Variants in RBFOX1 observed in about 807,000 individuals in gnomAD.
The protein encoded by RBFOX1 is RNA binding fox-1 homolog 1, also known as RNA binding protein fox-1 homolog 1.
In RBFOX1, 8 loss-of-function variants were observed where a neutral mutation model predicts 57.7. The observed-to-expected ratio is 0.14, with a 90% CI of 0.08 to 0.25. The LOEUF (loss-of-function observed/expected upper bound fraction) is 0.25. Among genes scored for constraint, RBFOX1 ranks in the 10% least tolerant of loss-of-function variants. RBFOX1 has a pLI of 1.00. For missense variants in RBFOX1, 611 were observed against 548.5 expected (o/e 1.11, Z -1.14); for synonymous variants, 326 against 222.4 (o/e 1.47, Z -4.15).
intron 3 of RBFOX1, among the ~76,000 whole-genome samples, chr16:6,743,813 A>G (rs2072904911): frequency 6.8e-6 from 1 of 146,326 alleles, no homozygotes; most frequent in Admixed American, 6.7e-5. Flanking sequence ...ATTTTTTCTC[A>G]TGTGTTTTGA....
At chr16:6,122,772 G>A (rs4786084) in intron 1 of RBFOX1, among the ~76,000 whole-genome samples, 102,291 of 151,570 alleles carry the variant, frequency 0.67, 35,912 homozygotes, top group African/African-American at 0.88. Flanking sequence ...GCTGGGTTGC[G>A]GAATATGATC....
rs1555480496 is a variant in RBFOX1, at chr16:6,450,777, A to ATACATATATATATATACATGTG, written c.-64+133722_-64+133723insCATATATATATATACATGTGTA. ...TACATATATATATGTGTATATATATATATATATATATACATATATATATGT... is the reference window on the plus strand; with the variant it reads ...TACATATATATATGTGTATATATATATACATATATATATATACATGTGTATATATATATACATATATATATGT... On this transcript the variant is annotated intron_variant, in intron 2 of 15. Transcript: ENST00000550418. Among the ~76,000 whole-genome samples the ATACATATATATATATACATGTG allele has an allele frequency of 7.6e-5, 3 of 39,532 alleles. 1 individual carries two copies. The East Asian group carries it at 1.5e-3, about 20-fold the overall frequency. The allele number at this position is 39,532 out of a possible 152,430, so 25.9% of individuals were successfully genotyped here.
intron 4 of RBFOX1, among the ~76,000 whole-genome samples, chr16:7,293,612 A>C (rs1011525685): frequency 6.6e-6 from 1 of 152,172 alleles, no homozygotes; most frequent in Non-Finnish European, 1.5e-5. Flanking sequence ...TTGTGAGAAC[A>C]TGAGCTGCCT....
intron 1 of RBFOX1, among the ~76,000 whole-genome samples, chr16:5,307,201 C>T (rs2063960741): frequency 6.6e-6 from 1 of 152,068 alleles, no homozygotes; most frequent in East Asian, 1.9e-4. Flanking sequence ...CATTGCTTTG[C>T]TTGCATTTCA....
intron 5 of RBFOX1, among the ~76,000 whole-genome samples, chr16:7,540,219 A>T (rs926635834): frequency 6.6e-6 from 1 of 152,148 alleles, no homozygotes; most frequent in African/African-American, 2.4e-5. Flanking sequence ...CCCTGCCTGT[A>T]CCATTTTGTT....
intron 3 of RBFOX1, among the ~76,000 whole-genome samples, chr16:5,814,686 T>C (rs1220826042): frequency 1.3e-5 from 2 of 152,092 alleles, no homozygotes; most frequent in Non-Finnish European, 2.9e-5. Context: ...CCCAGCACTT[T>C]GGGAGGCCGA....
At chr16:6,397,036 A>C (rs2092867150) in intron 2 of RBFOX1, among the ~76,000 whole-genome samples, 1 of 152,192 alleles carries the variant, frequency 6.6e-6, no homozygotes, top group African/African-American at 2.4e-5. Context: ...TGATTTGATT[A>C]TTAACAGAAG....
intron 2 of RBFOX1, among the ~76,000 whole-genome samples, chr16:5,514,331 C>G (rs1302706278): frequency 1.3e-5 from 2 of 152,150 alleles, no homozygotes; most frequent in African/African-American, 4.8e-5. Flanking sequence ...CTCGTCTGGG[C>G]ATGTGTTTCT....
chr16:7,080,862 C>G (rs530125899), intron 4 of RBFOX1, among the ~76,000 whole-genome samples: 1 of 152,168 alleles, frequency 6.6e-6, no homozygotes, highest in Non-Finnish European at 1.5e-5. Context: ...ATCCTCAGGA[C>G]CAAGGGAGCC....
At chr16:7,224,834 A>G (rs2092990590) in intron 4 of RBFOX1, among the ~76,000 whole-genome samples, 2 of 152,146 alleles carry the variant, frequency 1.3e-5, no homozygotes, top group South Asian at 2.1e-4. Flanking sequence ...GCAGACTGTT[A>G]TGTTCCAGAC....
At chr16:7,514,265 T>A (rs1206462891) in intron 4 of RBFOX1, among the ~76,000 whole-genome samples, 1 of 152,128 alleles carries the variant, frequency 6.6e-6, no homozygotes, top group East Asian at 1.9e-4. Context: ...AAAACAAAAT[T>A]TGGGCCAGGT....
chr16:5,908,159 T>TATATACAC lies in RBFOX1; in HGVS notation c.351+40829_351+40830insCACATATA, dbSNP rs1567133688. Among the ~76,000 whole-genome samples the TATATACAC allele has an allele frequency of 2.6e-4, 34 of 129,228 alleles. 1 individual carries two copies. The highest frequency in any genetic ancestry group is 8.9e-4 in the African/African-American group (26 of 29,372). The allele number at this position is 129,228 out of a possible 152,430, so 84.8% of individuals were successfully genotyped here. On this transcript the variant is annotated intron_variant, in intron 4 of 19. Coordinates refer to the RBFOX1 transcript ENST00000641259. ...ACACATATATACACATATATACACA[T>TATATACAC]ATATATACACATATATACACATATA...
chr16:5,631,296 C>T (rs1013696581), intron 3 of RBFOX1, among the ~76,000 whole-genome samples: 5 of 152,132 alleles, frequency 3.3e-5, no homozygotes, highest in African/African-American at 7.2e-5. Flanking sequence ...TGGTGGCTTA[C>T]GCCTGTAATC....
At chr16:5,706,497 G>C (rs66549605) in intron 3 of RBFOX1, among the ~76,000 whole-genome samples, 2 of 151,972 alleles carry the variant, frequency 1.3e-5, no homozygotes, top group African/African-American at 2.4e-5. Context: ...TTGAAAACAC[G>C]TCCTGGGTGG....
At chr16:6,981,745 A>G (rs77383890) in intron 3 of RBFOX1, among the ~76,000 whole-genome samples, 2 of 152,130 alleles carry the variant, frequency 1.3e-5, no homozygotes, top group Non-Finnish European at 2.9e-5. Context: ...ACCAGCCCTC[A>G]TGATTCAATT....
intron 4 of RBFOX1, among the ~76,000 whole-genome samples, chr16:7,396,000 A>T (rs1010665410): frequency 6.6e-6 from 1 of 152,124 alleles, no homozygotes; most frequent in Non-Finnish European, 1.5e-5. Flanking sequence ...CTTGGCAAGG[A>T]GGGGAGCTTT....
intron 4 of RBFOX1, among the ~76,000 whole-genome samples, chr16:7,152,240 A>G (rs1354939964): frequency 6.6e-6 from 1 of 152,226 alleles, no homozygotes; most frequent in Non-Finnish European, 1.5e-5. Context: ...GCGGTAGCAC[A>G]AGTAGGCTGT....
In RBFOX1 at chr16:5,428,564, A is replaced by T. The variant is rs2067633597; in HGVS notation, c.220-38652A>T. Among the ~76,000 whole-genome samples, 3 of 152,142 alleles carry T rather than the reference A, an allele frequency of 2.0e-5. No homozygotes were observed. The South Asian group carries it at 6.2e-4, about 32-fold the overall frequency. On this transcript the variant is annotated intron_variant, in intron 1 of 2. Transcript: ENST00000585867. ...TCAGATTGTCCTGAGCACCACGGAG[A>T]CAAACAGGCAGCTGAAAGAGGAGAC... is the stretch of plus-strand genomic sequence containing the variant.
intron 4 of RBFOX1, among the ~76,000 whole-genome samples, chr16:7,159,666 G>C (rs140767905): frequency 4.5e-4 from 69 of 152,260 alleles, no homozygotes; most frequent in African/African-American, 1.6e-3. Flanking sequence ...CGCACAATTT[G>C]CAGAAGGCAG....
Sources: allele counts gnomAD v4.1 joint callset (sites outside exome capture counted in the v4.1 genomes callset), GRCh38; gene constraint gnomAD v4.1.1; transcripts MANE v1.5; gene names NCBI Gene and HGNC (gene_info 2026-07-23, HGNC 2026-07-21).